The following SPTBN4 variants were observed in gnomAD, a reference collection of about 807,000 sequenced individuals.
The protein encoded by SPTBN4 is spectrin beta, non-erythrocytic 4, also known as spectrin beta chain, non-erythrocytic 4.
SPTBN4 carries 96 observed loss-of-function variants against 277.8 expected under a neutral mutation model. The observed-to-expected ratio is 0.35, with a 90% confidence interval of 0.29 to 0.41. The LOEUF is 0.41. Among genes scored for constraint, SPTBN4 ranks in the 10% least tolerant of loss-of-function variants. The probability of loss-of-function intolerance (pLI) is 1.00; values close to 1 mark genes in which losing one functional copy is unlikely to be tolerated. For missense variants in SPTBN4, 3,006 were observed against 3,595.7 expected, an observed-to-expected ratio of 0.84 and a Z score of 4.19; for synonymous variants, 1,481 against 1,580.3, an observed-to-expected ratio of 0.94 and a Z score of 1.49.
chr19:40,496,426 A>G (rs1305160328), intron 6 of SPTBN4, among the ~76,000 whole-genome samples: 1 of 152,132 alleles, frequency 6.6e-6, no homozygotes, highest in African/African-American at 2.4e-5. Flanking sequence ...CTGGGATTAC[A>G]GGCATGTGCC....
chr19:40,512,801 G>A lies in SPTBN4; in HGVS notation c.2012G>A (p.Gly671Asp), dbSNP rs1330476869. 6.8e-7 allele frequency: 1 copy of A among 1,464,164 alleles called. No homozygotes were observed. Among genetic ancestry groups the A allele is most frequent in the Non-Finnish European group, 8.9e-7 (1 of 1,121,370 alleles). The allele number at this position is 1,464,164 out of a possible 1,614,324, so 90.7% of individuals were successfully genotyped here. ...RDKERLLEAAGGGGAAGAAGA... is the reference protein window; with the variant it reads ...RDKERLLEAADGGGAAGAAGA... ...AAGGAGCGTCTCCTGGAGGCTGCGG[G>A]CGGCGGCGGTGCGGCGGGCGCAGCG... The change falls in exon 14 of 36, where the codon GGC becomes GAC. Residue 671 changes from glycine to aspartate, a missense_variant. By Grantham distance (94) the Gly-to-Asp change is moderately conservative. This residue lies in a region of SPTBN4 where 1,759 missense variants were observed against 2,061.5 expected (regional missense o/e 0.85). Coordinates refer to ENST00000598249, the MANE Select transcript of SPTBN4 (RefSeq NM_020971.3).
At chr19:40,495,720 C>T (rs952884529) in intron 6 of SPTBN4, among the ~76,000 whole-genome samples, 4 of 152,078 alleles carry the variant, frequency 2.6e-5, no homozygotes, top group African/African-American at 4.8e-5. Context: ...TTAGAGTCCC[C>T]GTCCCTGTAC....
At position 40,502,088 on chromosome 19, in the gene SPTBN4, G is replaced by T. The variant is rs556938677; in HGVS notation, c.898-40G>T. 8.1e-6 allele frequency: 13 copies of T among 1,613,484 alleles called. No individual in the cohort carries two copies. The highest frequency in any genetic ancestry group is 6.6e-5 in the South Asian group (6 of 91,060). ...GAAGCTGGAAGCTGGTGGCAGGCAC[G>T]GGTGGGATGAGGCTGACCCCCCTTC... On this transcript the variant is annotated intron_variant, in intron 8 of 35. Coordinates refer to ENST00000598249, the MANE Select transcript of SPTBN4 (RefSeq NM_020971.3). The surrounding 1 kb of genome is among the most constrained non-coding windows in gnomAD (Gnocchi z 4.9).
chr19:40,562,496 C>A (rs2081052602), intron 27 of SPTBN4, among the ~76,000 whole-genome samples: 1 of 140,474 alleles, frequency 7.1e-6, no homozygotes, highest in Non-Finnish European at 1.5e-5. Context: ...TACCACTGCA[C>A]TCCAGCCTGG....
chr19:40,496,223 C>T (rs910507473), intron 6 of SPTBN4, among the ~76,000 whole-genome samples: 1 of 152,190 alleles, frequency 6.6e-6, no homozygotes, highest in African/African-American at 2.4e-5. Context: ...GATCTCGGCT[C>T]ACTGCAACCT....
At position 40,490,125 on chromosome 19, in the gene SPTBN4, C is replaced by T; in HGVS notation, c.372C>T (p.Asp124=). Residue 124 remains aspartate, a synonymous_variant, in exon 4 of 36, where the codon GAC becomes GAT. Transcript: ENST00000598249. The surrounding 1 kb of genome is among the most constrained non-coding windows in gnomAD (Gnocchi z 4.3). The part of the protein sequence containing the change: ...RMRIHSLENV[D]KALQFLKEQR... ...GGATCCACTCACTGGAGAACGTGGA[C>T]AAGGCGCTGCAGTTTCTGAAGGAGC... is the stretch of plus-strand genomic sequence containing the variant. The T allele has an allele frequency of 6.2e-7, 1 of 1,614,038 alleles. No homozygotes were observed. Among genetic ancestry groups the T allele is most frequent in the Non-Finnish European group, 8.5e-7 (1 of 1,179,944 alleles).
chr19:40,571,744 C>G (rs1456392821), intron 33 of SPTBN4: 1 of 327,974 alleles, frequency 3.0e-6, no homozygotes, highest in Non-Finnish European at 5.5e-6. Flanking sequence ...ATGGAGGAGA[C>G]AGCTTAAGAC....
chr19:40,493,507 G>T (rs1314883941), intron 5 of SPTBN4, among the ~76,000 whole-genome samples: 2 of 152,180 alleles, frequency 1.3e-5, no homozygotes, highest in African/African-American at 4.8e-5. Context: ...AACATAGCAA[G>T]ACCCCATCTC....
At chr19:40,529,462 G>A (rs1204017498) in intron 18 of SPTBN4, among the ~76,000 whole-genome samples, 1 of 152,230 alleles carries the variant, frequency 6.6e-6, no homozygotes, top group African/African-American at 2.4e-5. Context: ...GGAGAGGGGC[G>A]GGGCGGGCGG....
In SPTBN4 at chr19:40,501,943, T is replaced by TGA; in HGVS notation, c.810_811dup (p.Lys271ArgfsTer18). 2 of 1,614,174 alleles carry TGA rather than the reference T, an allele frequency of 1.2e-6. No individual in the cohort carries two copies. The highest frequency in any genetic ancestry group is 1.7e-6 in the Non-Finnish European group (2 of 1,180,010). On this transcript the variant is annotated frameshift_variant, in exon 8 of 36. Coordinates refer to ENST00000598249, the MANE Select transcript of SPTBN4 (RefSeq NM_020971.3). LOFTEE classifies it high-confidence loss of function. Reference sequence around the variant, plus strand: ...CAGATGTGAACATGGAGGCTCCAGATGAGAAGTCCATCATCACCTACGTGG... The same window carrying TGA: ...CAGATGTGAACATGGAGGCTCCAGATGAGAGAAGTCCATCATCACCTACGTGG...
chr19:40,521,017 C>T (rs2080520700), intron 16 of SPTBN4, among the ~76,000 whole-genome samples: 2 of 152,132 alleles, frequency 1.3e-5, no homozygotes, highest in Admixed American at 6.5e-5. Flanking sequence ...CTCAGCCTCC[C>T]GGGTTCAAAC....
chr19:40,490,279 G>T lies in SPTBN4; in HGVS notation c.495+31G>T. 1 of 1,600,870 alleles carries T rather than the reference G, an allele frequency of 6.2e-7. No homozygotes were observed. Among genetic ancestry groups the T allele is most frequent in the Non-Finnish European group, 8.5e-7 (1 of 1,172,634 alleles). Reference sequence around the variant, plus strand: ...CCTCGAGTGGCCCCTGCCAAGCCCCGCAACATGGGACTTAGGAAAGCGTTC... The same window carrying T: ...CCTCGAGTGGCCCCTGCCAAGCCCCTCAACATGGGACTTAGGAAAGCGTTC... On this transcript the variant is annotated intron_variant, in intron 4 of 35. Coordinates refer to ENST00000598249, the MANE Select transcript of SPTBN4 (RefSeq NM_020971.3). The surrounding 1 kb of genome is among the most constrained non-coding windows in gnomAD (Gnocchi z 4.3).
chr19:40,484,947 CAAA>C (rs1317522644), intron 2 of SPTBN4, among the ~76,000 whole-genome samples: 3 of 86,800 alleles, frequency 3.5e-5, no homozygotes, highest in South Asian at 3.5e-4. Flanking sequence ...AAAAACAAAA[CAAA>C]AACCAAAAAA....
At chr19:40,549,727 G>T (rs1304581537) in intron 21 of SPTBN4, among the ~76,000 whole-genome samples, 1 of 151,930 alleles carries the variant, frequency 6.6e-6, no homozygotes, top group Non-Finnish European at 1.5e-5. Flanking sequence ...TTCCTGATTT[G>T]CTCATTCATT....
At chr19:40,552,066 C>G (rs1324383339) in intron 22 of SPTBN4, among the ~76,000 whole-genome samples, 1 of 151,958 alleles carries the variant, frequency 6.6e-6, no homozygotes, top group Non-Finnish European at 1.5e-5. Context: ...GCCTGTAATC[C>G]CAGCACTTTG....
At chr19:40,572,788 G>A (rs964711494) in intron 35 of SPTBN4, among the ~76,000 whole-genome samples, 2 of 151,814 alleles carry the variant, frequency 1.3e-5, no homozygotes, top group African/African-American at 4.8e-5. Flanking sequence ...GTGAAACCCC[G>A]TCTCTACTAA....
At chr19:40,494,724 T>C (rs1309513804) in intron 5 of SPTBN4, among the ~76,000 whole-genome samples, 173 bp from the exon 6 acceptor site, 1 of 152,076 alleles carries the variant, frequency 6.6e-6, no homozygotes, top group Non-Finnish European at 1.5e-5. Context: ...TCTGTGTATC[T>C]ACCTATCTCT....
intron 5 of SPTBN4, 80 bp from the exon 6 acceptor site, chr19:40,494,817 G>T: frequency 2.5e-6 from 3 of 1,209,224 alleles, no homozygotes; most frequent in African/African-American, 1.5e-5. Flanking sequence ...CCTATCATTC[G>T]GTCTCCCTCT....
At chr19:40,564,173 G>A (rs1005284695) in intron 27 of SPTBN4, among the ~76,000 whole-genome samples, 8 of 150,914 alleles carry the variant, frequency 5.3e-5, no homozygotes, top group African/African-American at 2.0e-4. Flanking sequence ...TGACAAACAT[G>A]TTGAAACCCT....
Sources: gnomAD v4.1 joint callset for allele counts (sites outside exome capture counted in the v4.1 genomes callset) on GRCh38, gnomAD v4.1.1 for gene constraint, gnomAD v4.1.1 regional missense constraint, Gnocchi (gnomAD v3.1) non-coding constraint, MANE v1.5 for transcripts, NCBI Gene and HGNC (gene_info 2026-07-23, HGNC 2026-07-21) for gene names.